SLC14A2: variants seen among roughly 807,000 people sequenced by gnomAD.
SLC14A2 encodes the protein solute carrier family 14 member 2.
Under a neutral mutation model 104.6 loss-of-function variants are expected in SLC14A2, and 91 were observed. The ratio of observed to expected loss-of-function variants is 0.87; its 90% CI spans 0.73 to 1.04. The LOEUF (loss-of-function observed/expected upper bound fraction) is 1.04, where lower values mean the gene tolerates loss of function less well. Among genes scored for constraint, SLC14A2 ranks in the 50% least tolerant of loss-of-function variants. SLC14A2 has a pLI of 0.00. For missense variants in SLC14A2, 1,189 were observed against 1,156.0 expected (o/e 1.03, Z -0.41); for synonymous variants, 476 against 466.4 (o/e 1.02, Z -0.27).
intron 1 of SLC14A2, among the ~76,000 whole-genome samples, chr18:45,389,542 A>T (rs540719771): frequency 2.0e-5 from 3 of 152,346 alleles, no homozygotes; most frequent in Non-Finnish European, 4.4e-5. Flanking sequence ...AACTTCAACC[A>T]GCCTTCTTTC....
At chr18:45,269,790 T>G (rs2084631701) in intron 1 of SLC14A2, among the ~76,000 whole-genome samples, 1 of 152,180 alleles carries the variant, frequency 6.6e-6, no homozygotes, top group African/African-American at 2.4e-5. Context: ...TGAGATAAAA[T>G]CTTGTGTCAG....
Position 45,637,160 on chromosome 18 carries a change from G to T in SLC14A2, c.821G>T (p.Trp274Leu). The change falls in exon 6 of 20, where the codon TGG becomes TTG. Residue 274 changes from tryptophan (W) to leucine (L), a missense_variant. Coordinates refer to ENST00000255226, the MANE Select transcript of SLC14A2 (RefSeq NM_007163.4). ...EPVSSVPNIT[W>L]TEMEMPLLLQ... Reference sequence around the variant, plus strand: ...GTGTCTTCAGTGCCCAATATCACCTGGACAGAGATGGAAATGCCCCTGGTA... The same window carrying T: ...GTGTCTTCAGTGCCCAATATCACCTTGACAGAGATGGAAATGCCCCTGGTA... 6.2e-7 allele frequency: 1 copy of T among 1,614,022 alleles called. No individual in the cohort carries two copies. The highest frequency in any genetic ancestry group is 8.5e-7 in the Non-Finnish European group (1 of 1,179,928).
chr18:45,399,800 A>C (rs963206994), intron 1 of SLC14A2, among the ~76,000 whole-genome samples: 5 of 152,182 alleles, frequency 3.3e-5, no homozygotes, highest in Non-Finnish European at 5.9e-5. Flanking sequence ...TGATCATGCT[A>C]CTATTCCTGG....
At chr18:45,351,785 C>G (rs955383291) in intron 1 of SLC14A2, among the ~76,000 whole-genome samples, 8 of 152,106 alleles carry the variant, frequency 5.3e-5, no homozygotes, top group Admixed American at 3.3e-4. Flanking sequence ...AGAGATGAGA[C>G]AGACATGAAA....
chr18:45,281,419 G>T (rs568391356), intron 1 of SLC14A2, among the ~76,000 whole-genome samples: 6 of 152,198 alleles, frequency 3.9e-5, no homozygotes, highest in Non-Finnish European at 7.3e-5. Flanking sequence ...TCATTGGTCT[G>T]CATGTTACAT....
chr18:45,671,227 G>GA (rs756929381), intron 16 of SLC14A2, among the ~76,000 whole-genome samples: 17 of 151,882 alleles, frequency 1.1e-4, no homozygotes, highest in Admixed American at 9.8e-4. Context: ...TATAGAAATG[G>GA]AAAAAAATGA....
chr18:45,375,202 T>G (rs1261179952), intron 1 of SLC14A2, among the ~76,000 whole-genome samples: 1 of 152,194 alleles, frequency 6.6e-6, no homozygotes, highest in African/African-American at 2.4e-5. Flanking sequence ...TAAACCTCCT[T>G]CTTGCCTGGG....
chr18:45,410,614 C>G lies in SLC14A2; in HGVS notation c.-124-72619C>G, dbSNP rs111460049. Among the ~76,000 whole-genome samples, 482 of 152,220 alleles carry G rather than the reference C, an allele frequency of 3.2e-3. 4 individuals are homozygous for G. The highest frequency in any genetic ancestry group is 0.011 in the African/African-American group (459 of 41,496). On this transcript the variant is annotated intron_variant, in intron 1 of 20. Coordinates refer to the SLC14A2 transcript ENST00000586448. ...TACTTAAGTATACAGGTGTATTTCT[C>G]TATATTATATATACAGTTGATCATC...
chr18:45,297,680 C>T (rs563674719), intron 1 of SLC14A2, among the ~76,000 whole-genome samples: 1 of 152,042 alleles, frequency 6.6e-6, no homozygotes, highest in African/African-American at 2.4e-5. Flanking sequence ...AAAAAATGTA[C>T]GTGAAGGCGC....
chr18:45,404,965 G>T (rs1250915873), intron 1 of SLC14A2, among the ~76,000 whole-genome samples: 4 of 152,156 alleles, frequency 2.6e-5, no homozygotes, highest in Admixed American at 6.6e-5. Context: ...CACCAGCACT[G>T]CCCTGAGGTG....
At chr18:45,584,217 G>T (rs1040026837) in intron 2 of SLC14A2, among the ~76,000 whole-genome samples, 1 of 152,130 alleles carries the variant, frequency 6.6e-6, no homozygotes, top group Non-Finnish European at 1.5e-5. Context: ...TGGATACAGG[G>T]TGATTTTTCA....
intron 2 of SLC14A2, chr18:45,485,414 T>A (rs1274978132): frequency 6.6e-6 from 1 of 152,208 alleles, no homozygotes; most frequent in Non-Finnish European, 1.5e-5. Context: ...GTCATCTTAC[T>A]TTTTTCAAGG....
In SLC14A2 at chr18:45,559,132, G is replaced by C. The variant is rs556478472; in HGVS notation, c.-34-65499G>C. 2.1e-3 allele frequency among the ~76,000 whole-genome samples: 327 copies of C among 152,276 alleles called. 2 individuals carry two copies. The highest frequency in any genetic ancestry group is 3.9e-3 in the Non-Finnish European group (262 of 68,022). ...GTCCAGCATTGTGCTAGGTGGATTA[G>C]AGGGGGTTATAGGCTAAACTCAATC... is the stretch of plus-strand genomic sequence containing the variant. On this transcript the variant is annotated intron_variant, in intron 2 of 20. Transcript: ENST00000586448.
intron 1 of SLC14A2, among the ~76,000 whole-genome samples, chr18:45,270,128 C>T (rs1436978812): frequency 2.6e-5 from 4 of 152,030 alleles, no homozygotes; most frequent in Non-Finnish European, 4.4e-5. Flanking sequence ...GATAGGACAA[C>T]GTCAAAGCCT....
intron 2 of SLC14A2, among the ~76,000 whole-genome samples, chr18:45,501,089 C>T (rs1413601221): frequency 2.0e-5 from 3 of 152,182 alleles, no homozygotes; most frequent in Non-Finnish European, 4.4e-5. Flanking sequence ...TCAACAGTGA[C>T]CTCTAGTATG....
chr18:45,201,366 G>A, the SLC14A2 span, among the ~76,000 whole-genome samples: 3,273 of 152,184 alleles, frequency 0.022, 118 homozygotes, highest in African/African-American at 0.075. Context: ...GAATTGTTCT[G>A]AATGGGAGAT....
At chr18:45,193,651 C>T in the SLC14A2 span, among the ~76,000 whole-genome samples, 1 of 152,136 alleles carries the variant, frequency 6.6e-6, no homozygotes, top group Non-Finnish European at 1.5e-5. Context: ...TAGTGTTAGC[C>T]ATCTACCTTT....
intron 1 of SLC14A2, among the ~76,000 whole-genome samples, chr18:45,342,789 A>T (rs1301852414): frequency 6.6e-6 from 1 of 152,176 alleles, no homozygotes; most frequent in African/African-American, 2.4e-5. Context: ...AACGTCCAAG[A>T]CCTTTCCATG....
intron 1 of SLC14A2, among the ~76,000 whole-genome samples, chr18:45,350,684 G>T (rs937452951): frequency 6.6e-6 from 1 of 151,518 alleles, no homozygotes; most frequent in Non-Finnish European, 1.5e-5. Context: ...TTCATCTTTT[G>T]ATTTCTGCCT....
Sources: gnomAD v4.1 joint callset for allele counts (sites outside exome capture counted in the v4.1 genomes callset) on GRCh38, gnomAD v4.1.1 for gene constraint, MANE v1.5 for transcripts, NCBI Gene and HGNC (gene_info 2026-07-23, HGNC 2026-07-21) for gene names.